The following SH3GL2 variants were observed in gnomAD, a reference collection of about 807,000 sequenced individuals.
SH3GL2 encodes endophilin-A1.
Under a neutral mutation model 46.0 loss-of-function variants are expected in SH3GL2, and 24 were observed. The ratio of observed to expected loss-of-function variants is 0.52; its 90% CI spans 0.38 to 0.73. SH3GL2 has a LOEUF of 0.73. Among genes scored for constraint, SH3GL2 ranks in the 30% least tolerant of loss-of-function variants. The pLI, the probability that SH3GL2 is intolerant of heterozygous loss-of-function variation, is 0.00. For synonymous variants in SH3GL2, 196 were observed against 147.1 expected (o/e 1.33, Z -2.40); for missense variants, 413 against 424.2 (o/e 0.97, Z 0.23).
chr9:17,632,485 G>C (rs1003758416), intron 1 of SH3GL2, among the ~76,000 whole-genome samples: 2 of 152,050 alleles, frequency 1.3e-5, no homozygotes, highest in Admixed American at 1.3e-4. Context: ...GGGCTGTCCG[G>C]GTGATTTACT....
At chr9:17,690,055 G>A (rs1182230563) in intron 1 of SH3GL2, among the ~76,000 whole-genome samples, 2 of 152,044 alleles carry the variant, frequency 1.3e-5, no homozygotes, top group Non-Finnish European at 2.9e-5. Context: ...CACATTCTGT[G>A]TGACTCTTGG....
intron 3 of SH3GL2, among the ~76,000 whole-genome samples, chr9:17,762,398 TCAA>T (rs1438188799): frequency 1.9e-4 from 26 of 139,500 alleles, no homozygotes; most frequent in African/African-American, 2.2e-4. Context: ...GGACAAGTGA[TCAA>T]AAAAAAAAAA....
intron 1 of SH3GL2, among the ~76,000 whole-genome samples, chr9:17,645,486 G>T (rs373596706): frequency 3.9e-5 from 6 of 152,088 alleles, no homozygotes; most frequent in Non-Finnish European, 1.5e-5. Flanking sequence ...TTACAATTTT[G>T]TTTGTTTTTG....
chr9:17,761,033 C>T (rs912640435), intron 2 of SH3GL2, among the ~76,000 whole-genome samples: 3 of 152,216 alleles, frequency 2.0e-5, no homozygotes, highest in Non-Finnish European at 2.9e-5. Flanking sequence ...AAGCTCCCCA[C>T]TTCTTGAATA....
At chr9:17,751,838 A>G (rs533401005) in intron 2 of SH3GL2, among the ~76,000 whole-genome samples, 2 of 151,806 alleles carry the variant, frequency 1.3e-5, no homozygotes, top group Admixed American at 6.6e-5. Flanking sequence ...GGCGTGGAGC[A>G]TTGTGCTAAG....
At chr9:17,644,881 T>A (rs1257276411) in intron 1 of SH3GL2, among the ~76,000 whole-genome samples, 3 of 152,030 alleles carry the variant, frequency 2.0e-5, no homozygotes. Flanking sequence ...ATATCCTTGT[T>A]AATTTTCTGT....
intron 1 of SH3GL2, among the ~76,000 whole-genome samples, chr9:17,719,821 C>A (rs1400839298): frequency 6.6e-6 from 1 of 151,076 alleles, no homozygotes; most frequent in Admixed American, 6.6e-5. Context: ...TTGTAATGCC[C>A]TTGTGCTACT....
intron 1 of SH3GL2, among the ~76,000 whole-genome samples, chr9:17,672,748 C>T (rs1820505157): frequency 1.3e-5 from 2 of 152,134 alleles, no homozygotes; most frequent in South Asian, 4.1e-4. Flanking sequence ...TTCTAGACCT[C>T]TCAGATATAA....
chr9:17,712,817 G>C (rs911854424), intron 1 of SH3GL2, among the ~76,000 whole-genome samples: 1 of 151,402 alleles, frequency 6.6e-6, no homozygotes, highest in African/African-American at 2.4e-5. Flanking sequence ...TGGTCTATCT[G>C]TATATCCATC....
intron 1 of SH3GL2, among the ~76,000 whole-genome samples, chr9:17,608,710 T>G (rs987468456): frequency 1.3e-5 from 2 of 152,212 alleles, no homozygotes; most frequent in African/African-American, 4.8e-5. Flanking sequence ...CATAAGTGTT[T>G]CCAGAAAGCT....
At chr9:17,786,266 C>T (rs1823953935) in intron 3 of SH3GL2, 115 bp from the exon 4 acceptor site, 7 of 910,076 alleles carry the variant, frequency 7.7e-6, no homozygotes, top group South Asian at 1.7e-5. Context: ...TGAAGGTACA[C>T]TTATCAGTAG....
At chr9:17,596,364 A>C (rs1431195332) in intron 1 of SH3GL2, among the ~76,000 whole-genome samples, 1 of 148,012 alleles carries the variant, frequency 6.8e-6, no homozygotes, top group African/African-American at 2.7e-5. Context: ...CAGTTCCCTA[A>C]GTCTTATCCC....
At position 17,795,752 on chromosome 9, in the gene SH3GL2, G is replaced by C; in HGVS notation, c.*9G>C. On this transcript the variant is annotated 3_prime_UTR_variant, in exon 9 of 9. Coordinates refer to ENST00000380607, the MANE Select transcript of SH3GL2 (RefSeq NM_003026.5). ...TTGCCCTGCCCCATTAGGATGTTAT[G>C]CTGGCTGGCTCGCCTCCTCTTGACC... 6.2e-7 allele frequency: 1 copy of C among 1,609,946 alleles called. No homozygotes were observed. Among genetic ancestry groups the C allele is most frequent in the South Asian group, 1.1e-5 (1 of 90,764 alleles).
At chr9:17,680,195 G>T (rs1484442274) in intron 1 of SH3GL2, among the ~76,000 whole-genome samples, 3 of 152,180 alleles carry the variant, frequency 2.0e-5, no homozygotes, top group Non-Finnish European at 4.4e-5. Context: ...AATAGTTTCA[G>T]ATGGAATGGT....
intron 1 of SH3GL2, among the ~76,000 whole-genome samples, chr9:17,735,232 A>G (rs1361587144): frequency 1.3e-5 from 2 of 152,150 alleles, no homozygotes; most frequent in Non-Finnish European, 2.9e-5. Flanking sequence ...AGATGTTGAC[A>G]TTAGCACATT....
chr9:17,713,198 A>T (rs556329693), intron 1 of SH3GL2, among the ~76,000 whole-genome samples: 4 of 151,564 alleles, frequency 2.6e-5, no homozygotes, highest in African/African-American at 9.6e-5. Context: ...CTAACTCTAT[A>T]TTCCTCGGAT....
intron 1 of SH3GL2, among the ~76,000 whole-genome samples, chr9:17,675,417 A>T (rs557560703): frequency 6.6e-6 from 1 of 152,228 alleles, no homozygotes; most frequent in Non-Finnish European, 1.5e-5. Context: ...TAAAGTTCAC[A>T]TAAAGCTAAA....
At chr9:17,706,062 CGAT>C (rs747425012) in intron 1 of SH3GL2, among the ~76,000 whole-genome samples, 2 of 151,796 alleles carry the variant, frequency 1.3e-5, no homozygotes, top group African/African-American at 2.4e-5. Context: ...AAGTATTAGT[CGAT>C]GATATCAAAG....
At chr9:17,611,236 C>T (rs1818858862) in intron 1 of SH3GL2, among the ~76,000 whole-genome samples, 1 of 152,020 alleles carries the variant, frequency 6.6e-6, no homozygotes, top group South Asian at 2.1e-4. Context: ...GGTTGAATAA[C>T]TTTATAGTTT....
Sources: allele counts gnomAD v4.1 joint callset (sites outside exome capture counted in the v4.1 genomes callset), GRCh38; gene constraint gnomAD v4.1.1; transcripts MANE v1.5; gene names NCBI Gene and HGNC (gene_info 2026-07-23, HGNC 2026-07-21).